The following NUP160 variants were observed in gnomAD, a reference collection of about 807,000 sequenced individuals.
The protein encoded by NUP160 is nucleoporin 160, also known as nuclear pore complex protein Nup160.
A neutral mutation model predicts 196.9 loss-of-function variants in NUP160; 94 were observed. That is an observed-to-expected ratio of 0.48 (90% CI 0.40 to 0.57). The LOEUF (loss-of-function observed/expected upper bound fraction) is 0.57. Ranked by LOEUF, NUP160 falls within the 20% of genes least tolerant of loss-of-function variation. The probability of loss-of-function intolerance (pLI) is 0.00; values close to 1 mark genes in which losing one functional copy is unlikely to be tolerated. For missense variants in NUP160, 1,638 were observed against 1,748.3 expected (o/e 0.94, Z 1.13); for synonymous variants, 605 against 619.7 (o/e 0.98, Z 0.35).
rs533023530 is a variant in NUP160 at position 47,789,476 on chromosome 11, A to T, written c.3512-865T>A. On this transcript the variant is annotated intron_variant, in intron 29 of 35. Transcript: ENST00000378460. ...TGTGGAAATAGCAAAAGAACTTGAT[A>T]AAAAAAAAGCTTGGAACTAAGCTGA... 7.9e-5 allele frequency among the ~76,000 whole-genome samples: 12 copies of T among 151,498 alleles called. 1 individual carries two copies. The South Asian group carries it at 1.7e-3, about 21-fold the overall frequency.
At chr11:47,783,694 C>G (rs189389737) in intron 33 of NUP160, among the ~76,000 whole-genome samples, 10 of 152,104 alleles carry the variant, frequency 6.6e-5, no homozygotes, top group Admixed American at 6.6e-4. Flanking sequence ...ACAATCTTAC[C>G]TTTACCATCT....
At chr11:47,820,484 ATCC>A (rs1180172413) in intron 9 of NUP160, among the ~76,000 whole-genome samples, 1 of 152,184 alleles carries the variant, frequency 6.6e-6, no homozygotes, top group Non-Finnish European at 1.5e-5. Context: ...GGCTCAAGCA[ATCC>A]TCCTGCCTCA....
In NUP160 at chr11:47,803,607, A is replaced by G; in HGVS notation, c.2677-71T>C. On this transcript the variant is annotated intron_variant, in intron 21 of 35. Transcript: ENST00000378460. ...TTAAGGAGATACTCATTCCCAAGTTATTCGTCACAGAGGATGAAAAGACAG... is the reference window on the plus strand; with the variant it reads ...TTAAGGAGATACTCATTCCCAAGTTGTTCGTCACAGAGGATGAAAAGACAG... 7 of 834,432 alleles carry G rather than the reference A, an allele frequency of 8.4e-6. No individual in the cohort carries two copies. The South Asian group carries it at 9.7e-5, about 12-fold the overall frequency. The allele number at this position is 834,432 out of a possible 1,614,324, so 51.7% of individuals were successfully genotyped here.
At chr11:47,828,027 G>A (rs893185272) in intron 7 of NUP160, among the ~76,000 whole-genome samples, 12 of 152,144 alleles carry the variant, frequency 7.9e-5, no homozygotes, top group African/African-American at 2.7e-4. Context: ...GAGCCACCAT[G>A]CTCAGCTAAT....
intron 7 of NUP160, among the ~76,000 whole-genome samples, chr11:47,832,041 A>G (rs1046033987): frequency 6.6e-6 from 1 of 151,560 alleles, no homozygotes; most frequent in African/African-American, 2.4e-5. Context: ...AGCTGGGACT[A>G]CAGGCATGCA....
At chr11:47,806,848 C>CAT (rs1382803113) in intron 19 of NUP160, among the ~76,000 whole-genome samples, 3 of 115,318 alleles carry the variant, frequency 2.6e-5, no homozygotes, top group African/African-American at 1.0e-4. Flanking sequence ...CACACACACA[C>CAT]ACACATATAT....
intron 33 of NUP160, 136 bp downstream of exon 33, chr11:47,784,786 C>T (rs530727243): frequency 4.1e-5 from 23 of 559,630 alleles, no homozygotes; most frequent in Admixed American, 2.2e-4. Flanking sequence ...AAGCCATCCT[C>T]CCCTGTTGGC....
At chr11:47,791,225 G>A (rs1386576318) in intron 29 of NUP160, among the ~76,000 whole-genome samples, 2 of 151,928 alleles carry the variant, frequency 1.3e-5, no homozygotes, top group Non-Finnish European at 2.9e-5. Flanking sequence ...CTCAGCTGCC[G>A]GCCTCAATCT....
intron 7 of NUP160, among the ~76,000 whole-genome samples, chr11:47,833,289 A>C (rs1285907915): frequency 1.3e-5 from 2 of 151,906 alleles, no homozygotes; most frequent in Non-Finnish European, 2.9e-5. Context: ...CCCCATCTCT[A>C]TTAAAAATAC....
At chr11:47,806,108 C>T (rs774011287) in intron 20 of NUP160, 45 bp downstream of exon 20, 3 of 1,591,532 alleles carry the variant, frequency 1.9e-6, no homozygotes, top group Admixed American at 3.4e-5. Context: ...GCCAACATGC[C>T]CGGCCAGAAG....
intron 19 of NUP160, among the ~76,000 whole-genome samples, chr11:47,806,852 C>CACATATATATATAT (rs1428564239): frequency 4.8e-5 from 6 of 124,336 alleles, no homozygotes; most frequent in African/African-American, 1.9e-4. Flanking sequence ...CACACACACA[C>CACATATATATATAT]ATATATATAC....
intron 29 of NUP160, among the ~76,000 whole-genome samples, chr11:47,791,445 T>C (rs1467968577): frequency 6.6e-6 from 1 of 152,222 alleles, no homozygotes; most frequent in African/African-American, 2.4e-5. Flanking sequence ...ATTCAAGCAA[T>C]TCTCCTGCCT....
intron 13 of NUP160, 92 bp from the exon 14 acceptor site, chr11:47,813,507 C>CA: frequency 1.3e-6 from 1 of 773,680 alleles, no homozygotes; most frequent in Non-Finnish European, 2.2e-6. Context: ...GAGGCAAACC[C>CA]AAGTTGCAAT....
chr11:47,804,534 T>C lies in NUP160; in HGVS notation c.2676+15A>G. 4 of 1,508,080 alleles carry C rather than the reference T, an allele frequency of 2.7e-6. No homozygotes were observed. Among genetic ancestry groups the C allele is most frequent in the South Asian group, 1.3e-5 (1 of 76,266 alleles). 93.4% of individuals were successfully genotyped at this position (1,508,080 alleles called of 1,614,324 possible). A position where few individuals can be genotyped will look rare whatever the true frequency, so the allele number is the denominator to read the frequency against. ...TACAAGAATGTGTAGACATGAAATG[T>C]TCAAAGGAACTCACCTGCAATTGTA... On this transcript the variant is annotated intron_variant, in intron 21 of 35. Transcript: ENST00000378460.
chr11:47,842,306 C>A (rs1302564445), intron 2 of NUP160, among the ~76,000 whole-genome samples: 2 of 152,116 alleles, frequency 1.3e-5, no homozygotes, highest in African/African-American at 4.8e-5. Context: ...GATGTAAGTA[C>A]CTTTTCAGCG....
chr11:47,831,446 C>T (rs779559912), intron 7 of NUP160, among the ~76,000 whole-genome samples: 16 of 152,024 alleles, frequency 1.1e-4, no homozygotes, highest in Non-Finnish European at 2.4e-4. Context: ...AATTCCAACA[C>T]AAATGAATAA....
Position 47,807,074 on chromosome 11 carries a change from C to T in NUP160, c.2442G>A (p.Arg814=). Reference sequence around the variant, plus strand: ...TGTACATAGTCCACTCCTTACCAAACCTATTTGCCATTAAAGCACCAGAGT... The same window carrying T: ...TGTACATAGTCCACTCCTTACCAAATCTATTTGCCATTAAAGCACCAGAGT... Residue 814 remains arginine, a synonymous_variant, in exon 19 of 36, where the codon AGG becomes AGA. Coordinates refer to ENST00000378460, the Ensembl canonical transcript of NUP160. 6 of 1,603,708 alleles carry T rather than the reference C, an allele frequency of 3.7e-6. No individual in the cohort carries two copies. The South Asian group carries it at 5.5e-5, about 15-fold the overall frequency.
chr11:47,827,511 G>A (rs1851995570), intron 7 of NUP160, among the ~76,000 whole-genome samples: 1 of 151,986 alleles, frequency 6.6e-6, no homozygotes, highest in Non-Finnish European at 1.5e-5. Context: ...TGCATAGCAT[G>A]GCCAACATGG....
intron 23 of NUP160, 108 bp from the exon 24 acceptor site, chr11:47,798,571 C>A: frequency 1.5e-6 from 1 of 663,242 alleles, no homozygotes; most frequent in Non-Finnish European, 2.7e-6. Context: ...GGCATGGTGG[C>A]TCACACCTCC....
Sources: gnomAD v4.1 joint callset for allele counts (sites outside exome capture counted in the v4.1 genomes callset) on GRCh38, gnomAD v4.1.1 for gene constraint, MANE v1.5 for transcripts, NCBI Gene and HGNC (gene_info 2026-07-23, HGNC 2026-07-21) for gene names.